RELB: variants seen among roughly 807,000 people sequenced by gnomAD.
RELB encodes the protein transcription factor RelB.
A neutral mutation model predicts 55.4 loss-of-function variants in RELB; 14 were observed. The observed-to-expected ratio is 0.25, with a 90% CI of 0.17 to 0.40. RELB has a LOEUF of 0.40. Among genes scored for constraint, RELB ranks in the 10% least tolerant of loss-of-function variants. The pLI is 1.00. For missense variants in RELB, 669 were observed against 830.7 expected (o/e 0.81, Z 2.39); for synonymous variants, 409 against 371.3 (o/e 1.10, Z -1.17).
chr19:45,028,034 C>T (rs1339047119), intron 7 of RELB, among the ~76,000 whole-genome samples: 1 of 151,924 alleles, frequency 6.6e-6, no homozygotes, highest in African/African-American at 2.4e-5. Flanking sequence ...CATGTGCCAC[C>T]ACACCTGGCT....
chr19:45,020,004 C>T (rs1317558285), intron 4 of RELB, among the ~76,000 whole-genome samples: 1 of 152,128 alleles, frequency 6.6e-6, no homozygotes, highest in Non-Finnish European at 1.5e-5. Context: ...GGTGATCCCC[C>T]ACCTCGGCCT....
chr19:45,025,793 G>A, intron 7 of RELB, 56 bp downstream of exon 7: 2 of 1,609,172 alleles, frequency 1.2e-6, no homozygotes, highest in Non-Finnish European at 8.5e-7. Flanking sequence ...GTGTCAGAAT[G>A]TCCCGCTTAC....
At chr19:45,023,398 TTCC>T (rs1971513773) in intron 5 of RELB, among the ~76,000 whole-genome samples, 1 of 139,158 alleles carries the variant, frequency 7.2e-6, no homozygotes, top group Admixed American at 7.4e-5. Flanking sequence ...TTTTCTTTCC[TTCC>T]TTCCTTCCTT....
intron 3 of RELB, among the ~76,000 whole-genome samples, chr19:45,011,430 G>A (rs1237425236): frequency 6.6e-6 from 1 of 152,038 alleles, no homozygotes; most frequent in Non-Finnish European, 1.5e-5. Flanking sequence ...CCGAAATGCT[G>A]GGATTACAGG....
intron 3 of RELB, 117 bp downstream of exon 3, chr19:45,009,939 AG>A (rs1373062438): frequency 9.8e-7 from 1 of 1,021,090 alleles, no homozygotes; most frequent in Non-Finnish European, 1.5e-6. Flanking sequence ...TGTGACTTCC[AG>A]GACTGTGGAG....
chr19:45,024,651 G>A (rs1461687362), intron 5 of RELB, among the ~76,000 whole-genome samples: 1 of 151,978 alleles, frequency 6.6e-6, no homozygotes, highest in African/African-American at 2.4e-5. Flanking sequence ...CCGGGCTCAA[G>A]CAATTCTCCT....
chr19:45,013,896 G>T (rs980653766), intron 4 of RELB, among the ~76,000 whole-genome samples: 1 of 152,040 alleles, frequency 6.6e-6, no homozygotes, highest in Non-Finnish European at 1.5e-5. Context: ...GCTGTTTCCA[G>T]ATTAGGTCAG....
At chr19:45,036,005 C>A (rs1971681634) in intron 11 of RELB, among the ~76,000 whole-genome samples, 1 of 152,210 alleles carries the variant, frequency 6.6e-6, no homozygotes, top group Admixed American at 6.6e-5. Flanking sequence ...GTCACATGAT[C>A]ACATCAGGCT....
At chr19:45,028,788 A>C (rs1844085703) in intron 7 of RELB, 100 bp from the exon 8 acceptor site, 3 of 874,326 alleles carry the variant, frequency 3.4e-6, no homozygotes, top group Non-Finnish European at 5.5e-6. Flanking sequence ...CTACGTCTCC[A>C]GGGCCCCGGG....
chr19:45,029,016 T>C (rs371250135), intron 8 of RELB, 24 bp downstream of exon 8: 282 of 1,538,026 alleles, frequency 1.8e-4, no homozygotes, highest in Non-Finnish European at 2.4e-4. Flanking sequence ...GGCAGCAAGC[T>C]TGGGCAGAGC....
At chr19:45,004,056 G>T (rs1444083855) in intron 2 of RELB, among the ~76,000 whole-genome samples, 1 of 149,814 alleles carries the variant, frequency 6.7e-6, no homozygotes, top group Non-Finnish European at 1.5e-5. Context: ...CTGAGTAGCT[G>T]GGATTACAGG....
chr19:45,022,677 A>C (rs2122454678), intron 5 of RELB, among the ~76,000 whole-genome samples: 1 of 151,664 alleles, frequency 6.6e-6, no homozygotes, highest in East Asian at 1.9e-4. Context: ...ACTCCCGAGT[A>C]GCTGAGATTA....
intron 2 of RELB, among the ~76,000 whole-genome samples, chr19:45,009,068 T>C (rs1316767077): frequency 6.6e-6 from 1 of 152,064 alleles, no homozygotes. Context: ...TCAGCCTCTT[T>C]GCATCTTTTT....
intron 4 of RELB, 54 bp downstream of exon 4, chr19:45,012,330 C>T (rs1391852352): frequency 9.6e-6 from 11 of 1,144,726 alleles, no homozygotes; most frequent in South Asian, 2.2e-5. Flanking sequence ...CCCTGCACCC[C>T]GGAGCCATCC....
At chr19:45,021,273 A>G (rs990958802) in intron 4 of RELB, among the ~76,000 whole-genome samples, 18 of 152,028 alleles carry the variant, frequency 1.2e-4, no homozygotes, top group African/African-American at 3.6e-4. Context: ...GGAGATCGAG[A>G]CCATCCTGGC....
chr19:45,004,651 T>C (rs1292541556), intron 2 of RELB, among the ~76,000 whole-genome samples: 1 of 150,728 alleles, frequency 6.6e-6, no homozygotes, highest in Non-Finnish European at 1.5e-5. Flanking sequence ...GCTCATCACC[T>C]GAGGTCGGGA....
rs199579874 is a variant in RELB, at chr19:45,011,756, C to CTGTGTGTGTGTGTG, written c.164-151_164-138dup. 2.0e-3 allele frequency among the ~76,000 whole-genome samples: 122 copies of CTGTGTGTGTGTGTG among 59,892 alleles called. 5 individuals carry two copies. Among genetic ancestry groups the CTGTGTGTGTGTGTG allele is most frequent in the Admixed American group, 4.0e-3 (16 of 4,026 alleles). The allele number at this position is 59,892 out of a possible 152,430, so 39.3% of individuals were successfully genotyped here. A position where few individuals can be genotyped will look rare whatever the true frequency, so the allele number is the denominator to read the frequency against. ...GCCACCGCACCTGGCCTCCCTGACT[C>CTGTGTGTGTGTGTG]TGTGTGTGTGTGTGTGTGTGTGTGT... On this transcript the variant is annotated intron_variant, in intron 3 of 11. Transcript: ENST00000221452.
chr19:45,025,560 G>T, intron 6 of RELB, 46 bp from the exon 7 acceptor site: 1 of 1,611,614 alleles, frequency 6.2e-7, no homozygotes, highest in Non-Finnish European at 8.5e-7. Flanking sequence ...ACCCCAGAGA[G>T]GGTCTCCACT....
chr19:45,023,436 CCTT>C (rs1380319768), intron 5 of RELB, among the ~76,000 whole-genome samples: 1 of 151,660 alleles, frequency 6.6e-6, no homozygotes, highest in Non-Finnish European at 1.5e-5. Flanking sequence ...TTCCTTCCGT[CCTT>C]CTTTCTTTCT....
Sources: gnomAD v4.1 joint callset for allele counts (sites outside exome capture counted in the v4.1 genomes callset) on GRCh38, gnomAD v4.1.1 for gene constraint, MANE v1.5 for transcripts, NCBI Gene and HGNC (gene_info 2026-07-23, HGNC 2026-07-21) for gene names.